HELQ: variants seen among roughly 807,000 people sequenced by gnomAD.
The protein encoded by HELQ is helicase, POLQ like, also known as helicase POLQ-like.
HELQ carries 77 observed loss-of-function variants against 111.6 expected under a neutral mutation model. The observed-to-expected ratio is 0.69, with a 90% CI of 0.57 to 0.83. HELQ has a LOEUF of 0.83. HELQ is among the 40% of genes least tolerant of loss of function. The pLI, the probability that HELQ is intolerant of heterozygous loss-of-function variation, is 0.00. For missense variants in HELQ, 1,200 were observed against 1,288.5 expected (o/e 0.93, Z 1.05); for synonymous variants, 438 against 454.7 (o/e 0.96, Z 0.47).
At chr4:83,408,112 A>G (rs1392205025) in intron 17 of HELQ, among the ~76,000 whole-genome samples, 1 of 152,228 alleles carries the variant, frequency 6.6e-6, no homozygotes, top group Admixed American at 6.5e-5. Flanking sequence ...AATAAGCTAT[A>G]TAGATCAATA....
intron 6 of HELQ, among the ~76,000 whole-genome samples, chr4:83,443,033 T>C (rs888566244): frequency 1.3e-5 from 2 of 152,162 alleles, no homozygotes; most frequent in East Asian, 1.9e-4. Flanking sequence ...TCTTCAAGCA[T>C]TTTGGGAATG....
chr4:83,453,638 T>G lies in HELQ; in HGVS notation c.605A>C (p.Tyr202Ser). ...LYDVPSSQAI[Y>S]FENLQNSSND... ...TGAAGAGTTCTGCAAATTTTCAAAGTATATAGCCTGTGAGGAAGGTACATC... is the reference window on the plus strand; with the variant it reads ...TGAAGAGTTCTGCAAATTTTCAAAGGATATAGCCTGTGAGGAAGGTACATC... The change falls in exon 2 of 18, where the codon TAC becomes TCC. Residue 202 changes from tyrosine (Y) to serine (S), a missense_variant. Transcript: ENST00000295488. The G allele has an allele frequency of 1.2e-6, 2 of 1,614,044 alleles. No homozygotes were observed. Among genetic ancestry groups the G allele is most frequent in the Non-Finnish European group, 1.7e-6 (2 of 1,179,916 alleles).
At chr4:83,408,814 A>C (rs1343377466) in intron 17 of HELQ, among the ~76,000 whole-genome samples, 1 of 152,098 alleles carries the variant, frequency 6.6e-6, no homozygotes, top group African/African-American at 2.4e-5. Context: ...TAGAGGGTCT[A>C]AAATGAAATA....
chr4:83,450,083 C>T (rs1721267324), intron 2 of HELQ, among the ~76,000 whole-genome samples: 1 of 151,578 alleles, frequency 6.6e-6, no homozygotes, highest in Non-Finnish European at 1.5e-5. Context: ...TAAAACACAG[C>T]ATTGTTTGTA....
intron 13 of HELQ, among the ~76,000 whole-genome samples, chr4:83,426,640 T>C (rs1719867659): frequency 6.6e-6 from 1 of 151,888 alleles, no homozygotes; most frequent in South Asian, 2.1e-4. Context: ...CTCAGCTTAC[T>C]GCAACCTCCG....
At chr4:83,449,934 T>C (rs1721259065) in intron 2 of HELQ, among the ~76,000 whole-genome samples, 1 of 151,286 alleles carries the variant, frequency 6.6e-6, no homozygotes, top group Non-Finnish European at 1.5e-5. Context: ...AACAGCCATT[T>C]TCATGTACGG....
rs893369812 is a variant in HELQ, at chr4:83,441,367, T to C, written c.1600A>G (p.Ile534Val). 1.3e-6 allele frequency: 2 copies of C among 1,584,392 alleles called. No individual in the cohort carries two copies. The highest frequency in any genetic ancestry group is 1.4e-5 in the African/African-American group (1 of 74,010). Residue 534 changes from isoleucine (I) to valine (V), a missense_variant, in exon 7 of 18, where the codon ATA (isoleucine) becomes GTA (valine). By Grantham distance (29) the Ile-to-Val change is conservative. Transcript: ENST00000295488. ...TCAGCTTTGCTGTCAACTTCATATA[T>C]TGTATCATTTATTTTCAGATATTCT... ...LKEYLKINDTIYEVDSKAENG... is the reference protein window; with the variant it reads ...LKEYLKINDTVYEVDSKAENG...
At chr4:83,423,616 C>T (rs188681033) in intron 14 of HELQ, among the ~76,000 whole-genome samples, 1 of 151,958 alleles carries the variant, frequency 6.6e-6, no homozygotes, top group Admixed American at 6.6e-5. Flanking sequence ...ATGCCAATGT[C>T]AAGATCTTTT....
chr4:83,409,553 CA>C (rs34988490), intron 17 of HELQ, among the ~76,000 whole-genome samples: 19,234 of 143,364 alleles, frequency 0.13, 1,597 homozygotes, highest in African/African-American at 0.23. Context: ...TACTCTGTCT[CA>C]AAAAAAAAAA....
Position 83,429,695 on chromosome 4 carries a change from C to CA in HELQ, c.2346dup (p.Gly783TrpfsTer19). On this transcript the variant is annotated frameshift_variant, in exon 12 of 18. Coordinates refer to ENST00000295488, the MANE Select transcript of HELQ (RefSeq NM_133636.5). LOFTEE classifies it high-confidence loss of function. ...TTCAATAAAACCTTTTGCTGAACAC[C>CA]AAAAAATGTACCATTCATGAAATGA... The CA allele has an allele frequency of 6.2e-7, 1 of 1,612,824 alleles. No individual in the cohort carries two copies. Among genetic ancestry groups the CA allele is most frequent in the Non-Finnish European group, 8.5e-7 (1 of 1,179,442 alleles).
intron 17 of HELQ, among the ~76,000 whole-genome samples, chr4:83,411,591 C>CA (rs1739101070): frequency 1.3e-5 from 2 of 150,308 alleles, no homozygotes; most frequent in Admixed American, 6.6e-5. Context: ...GTGACAGAGT[C>CA]AGACCCTGTC....
intron 3 of HELQ, 99 bp downstream of exon 3, chr4:83,448,684 A>AT: frequency 9.8e-7 from 1 of 1,024,122 alleles, no homozygotes; most frequent in Non-Finnish European, 1.4e-6. Flanking sequence ...AAAAAAAAAA[A>AT]GAGGTACTTC....
intron 9 of HELQ, among the ~76,000 whole-genome samples, chr4:83,435,447 G>A (rs1720396953): frequency 6.6e-6 from 1 of 152,006 alleles, no homozygotes; most frequent in African/African-American, 2.4e-5. Flanking sequence ...ATTGAATCTA[G>A]AATTCTTTTG....
intron 14 of HELQ, among the ~76,000 whole-genome samples, chr4:83,422,332 A>C (rs1331559241): frequency 6.6e-6 from 1 of 152,230 alleles, no homozygotes; most frequent in Non-Finnish European, 1.5e-5. Flanking sequence ...ATCACTCCAC[A>C]AAAAGAAATG....
chr4:83,439,809 AG>A, intron 8 of HELQ, 53 bp downstream of exon 8: 1 of 1,153,748 alleles, frequency 8.7e-7, no homozygotes, highest in African/African-American at 1.6e-5. Flanking sequence ...ATTAATACAT[AG>A]TCTGTAATTC....
In HELQ at chr4:83,453,539, A is replaced by C. The variant is rs17006837; in HGVS notation, c.704T>G (p.Leu235Arg). 1.2e-6 allele frequency: 2 copies of C among 1,613,532 alleles called. No individual in the cohort carries two copies. Among genetic ancestry groups the C allele is most frequent in the Non-Finnish European group, 1.7e-6 (2 of 1,179,894 alleles). Residue 235 changes from leucine to arginine, a missense_variant, in exon 2 of 18, where the codon CTG becomes CGG. Around this residue, in one of 3 missense-constraint regions of HELQ, gnomAD observed 610 missense variants for 607.1 expected, o/e 1.00. Transcript: ENST00000295488. ...SSSHNTVNEELPHNCIEQPQQ... is the reference protein window; with the variant it reads ...SSSHNTVNEERPHNCIEQPQQ... ...GGGTTGCTCTATGCAATTATGGGGCAGTTCCTCATTCACAGTGTTGTGAGA... is the reference window on the plus strand; with the variant it reads ...GGGTTGCTCTATGCAATTATGGGGCCGTTCCTCATTCACAGTGTTGTGAGA...
chr4:83,423,779 C>T (rs944357714), intron 14 of HELQ, among the ~76,000 whole-genome samples: 62 of 151,954 alleles, frequency 4.1e-4, no homozygotes, highest in African/African-American at 1.4e-3. Flanking sequence ...TATATGATGG[C>T]GGGCACCTGC....
chr4:83,428,468 G>GA (rs1719962850), intron 12 of HELQ, among the ~76,000 whole-genome samples: 1 of 152,122 alleles, frequency 6.6e-6, no homozygotes, highest in Non-Finnish European at 1.5e-5. Flanking sequence ...GGCTGAGGTG[G>GA]GAGAATCATT....
intron 15 of HELQ, among the ~76,000 whole-genome samples, chr4:83,419,644 G>A (rs1026638992): frequency 4.4e-4 from 67 of 151,266 alleles, no homozygotes; most frequent in African/African-American, 1.5e-3. Context: ...CCTCATAGTC[G>A]CAATGAAAAC....
Sources: gnomAD v4.1 joint callset for allele counts (sites outside exome capture counted in the v4.1 genomes callset) on GRCh38, gnomAD v4.1.1 for gene constraint, gnomAD v4.1.1 regional missense constraint, MANE v1.5 for transcripts, NCBI Gene and HGNC (gene_info 2026-07-23, HGNC 2026-07-21) for gene names.